Variants in ATM observed in about 807,000 individuals in gnomAD.
ATM encodes the protein serine-protein kinase ATM.
A neutral mutation model predicts 387.0 loss-of-function variants in ATM; 308 were observed. That is an observed-to-expected ratio of 0.80 (90% CI 0.73 to 0.87). The LOEUF (loss-of-function observed/expected upper bound fraction) is 0.87. Among genes scored for constraint, ATM ranks in the 40% least tolerant of loss-of-function variants. The pLI, the probability that ATM is intolerant of heterozygous loss-of-function variation, is 0.00. For synonymous variants in ATM, 1,156 were observed against 1,187.3 expected, an observed-to-expected ratio of 0.97 and a Z score of 0.54; for missense variants, 3,312 against 3,560.9, an observed-to-expected ratio of 0.93 and a Z score of 1.78.
At chr11:108,298,982 A>G (rs1478199756) in intron 33 of ATM, among the ~76,000 whole-genome samples, 1 of 152,228 alleles carries the variant, frequency 6.6e-6, no homozygotes, top group Non-Finnish European at 1.5e-5. Flanking sequence ...TTAATCAAAG[A>G]GGTGAAAAAC....
At chr11:108,256,024 C>T (rs2080455917) in intron 13 of ATM, among the ~76,000 whole-genome samples, 191 bp from the exon 14 acceptor site, 1 of 152,102 alleles carries the variant, frequency 6.6e-6, no homozygotes, top group African/African-American at 2.4e-5. Context: ...GGCTATTTTT[C>T]TTGAGAATCC....
At chr11:108,328,890 T>A in intron 48 of ATM, 131 bp from the exon 49 acceptor site, 1 of 1,024,846 alleles carries the variant, frequency 9.8e-7, no homozygotes, top group South Asian at 1.6e-5. Context: ...AAGTTTGCAA[T>A]AGTTCATATA....
chr11:108,277,502 C>T (rs1431395203), intron 22 of ATM, among the ~76,000 whole-genome samples: 1 of 152,162 alleles, frequency 6.6e-6, no homozygotes, highest in Admixed American at 6.5e-5. Context: ...GGTGTAGGCA[C>T]CCAAGGGAAT....
At chr11:108,344,509 A>T (rs921202289) in intron 57 of ATM, among the ~76,000 whole-genome samples, 10 of 152,190 alleles carry the variant, frequency 6.6e-5, no homozygotes, top group Admixed American at 2.0e-4. Context: ...TATAGGCCTC[A>T]TAAGACCCTA....
chr11:108,337,575 T>G (rs1036262251), intron 56 of ATM, among the ~76,000 whole-genome samples: 1 of 152,188 alleles, frequency 6.6e-6, no homozygotes, highest in Non-Finnish European at 1.5e-5. Flanking sequence ...AGATACCAGT[T>G]ATGTTGATGC....
rs1057520450 is a variant in ATM at position 108,325,511 on chromosome 11, C to T, written c.6774C>T (p.Leu2258=). 3.7e-6 allele frequency: 6 copies of T among 1,612,196 alleles called. No homozygotes were observed. In the African/African-American group the frequency reaches 8.0e-5, roughly 22 times the overall value. The part of the protein sequence containing the change: ...KDILTKHLVE[L]SILARTFKNT... The stretch of plus-strand genomic sequence containing the variant: ...TTCTCACCAAACACCTTGTAGAACT[C>T]TCTATACTGGCCAGAACTTTCAAGA... The change falls in exon 46 of 63, where the codon CTC becomes CTT. Residue 2258 remains leucine, a synonymous_variant. Transcript: ENST00000675843.
chr11:108,233,569 CAAAAAAA>C (rs531411723), intron 4 of ATM, among the ~76,000 whole-genome samples: 1 of 50,922 alleles, frequency 2.0e-5, no homozygotes, highest in African/African-American at 7.1e-5. Flanking sequence ...ATCCTGTGTC[CAAAAAAA>C]AAAAAAAAAA....
chr11:108,252,106 G>T, intron 11 of ATM, 75 bp downstream of exon 11: 1 of 1,293,980 alleles, frequency 7.7e-7, no homozygotes. Flanking sequence ...TTTGATGCCA[G>T]ATGGCTTTAT....
intron 43 of ATM, 68 bp downstream of exon 43, chr11:108,317,589 C>G (rs2136174247): frequency 7.5e-7 from 1 of 1,329,360 alleles, no homozygotes; most frequent in South Asian, 1.2e-5. Flanking sequence ...CTGTTTTTCT[C>G]TTCTATGAAT....
rs1555100432 is a variant in ATM, at chr11:108,293,341, T to C, written c.4640T>C (p.Ile1547Thr). The change falls in exon 31 of 63, where the codon ATA becomes ACA. Residue 1547 changes from isoleucine to threonine, a missense_variant. This residue lies in a region of ATM where 1,791 missense variants were observed against 1,804.5 expected (regional missense o/e 0.99). Transcript: ENST00000675843. ...QVLDLLKYLV[I>T]DNKDNENLYI... is the part of the protein sequence containing the mutation. ...TTGGACTTGTTGAAATACTTAGTGA[T>C]AGATAACAAGGATAATGAAAACCTC... 7 of 1,571,944 alleles carry C rather than the reference T, an allele frequency of 4.5e-6. No individual in the cohort carries two copies. The highest frequency in any genetic ancestry group is 6.1e-6 in the Non-Finnish European group (7 of 1,146,134).
intron 34 of ATM, 152 bp from the exon 35 acceptor site, chr11:108,301,496 G>GA: frequency 1.1e-6 from 1 of 896,692 alleles, no homozygotes; most frequent in Non-Finnish European, 1.7e-6. Flanking sequence ...AAAGTCCTTT[G>GA]ATACTTTTAT....
rs886039630 is a variant in ATM, at chr11:108,343,240, CG to C, written c.8288del (p.Arg2763GlnfsTer43). 1 of 1,613,880 alleles carries C rather than the reference CG, an allele frequency of 6.2e-7. No homozygotes were observed. The highest frequency in any genetic ancestry group is 2.2e-5 in the East Asian group (1 of 44,864). Reference sequence around the variant, plus strand: ...ACTCCAGGTGGTTCCCCTCTCTCAGCGAAGTGGTGTTCTTGAATGGTGCACA... The same window carrying C: ...ACTCCAGGTGGTTCCCCTCTCTCAGCAAGTGGTGTTCTTGAATGGTGCACA... ...CTYKVVPLSQ[R>X]SGVLEWCTGT... On this transcript the variant is annotated frameshift_variant, in exon 57 of 63. Transcript: ENST00000675843. LOFTEE classifies it high-confidence loss of function.
At chr11:108,278,233 C>G (rs1356875209) in intron 22 of ATM, among the ~76,000 whole-genome samples, 3 of 152,172 alleles carry the variant, frequency 2.0e-5, no homozygotes, top group African/African-American at 7.2e-5. Context: ...TCTAACTCCT[C>G]AGGTTTGGAA....
At chr11:108,335,387 A>C in intron 55 of ATM, 2 of 928,342 alleles carry the variant, frequency 2.2e-6, no homozygotes, top group South Asian at 3.3e-5. Flanking sequence ...TATGAAAAAA[A>C]ATACTTTGGT....
chr11:108,342,563 A>G (rs1409000671), intron 56 of ATM, among the ~76,000 whole-genome samples: 2 of 152,156 alleles, frequency 1.3e-5, no homozygotes, highest in African/African-American at 4.8e-5. Context: ...GGGTCAGTGA[A>G]GCACACAAGG....
intron 22 of ATM, among the ~76,000 whole-genome samples, chr11:108,278,320 TCA>T (rs879516886): frequency 6.6e-6 from 1 of 152,206 alleles, no homozygotes; most frequent in Non-Finnish European, 1.5e-5. Context: ...TTATTAAATT[TCA>T]CAGATAAAAG....
intron 55 of ATM, chr11:108,335,437 C>G (rs922379237): frequency 3.6e-6 from 2 of 556,584 alleles, no homozygotes; most frequent in African/African-American, 3.8e-5. Context: ...AGTTGACGTC[C>G]TTTGCATCAG....
rs878853485 is a variant in ATM at position 108,251,863 on chromosome 11, C to T, written c.1634C>T (p.Ala545Val). 14 of 1,613,794 alleles carry T rather than the reference C, an allele frequency of 8.7e-6. No homozygotes were observed. The highest frequency in any genetic ancestry group is 1.2e-5 in the Non-Finnish European group (14 of 1,179,798). ...CCTGCAGTATGCTGTTTGACTTTGG[C>T]ACTGACCACCAGTATAGTTCCAGGA... ...SCPAVCCLTL[A>V]LTTSIVPGTV... is the part of the protein sequence containing the mutation. Residue 545 changes from alanine to valine, a missense_variant, in exon 11 of 63, where the codon GCA becomes GTA. Transcript: ENST00000675843.
chr11:108,310,401 C>T (rs1031687154), intron 39 of ATM, 86 bp downstream of exon 39: 27 of 1,246,640 alleles, frequency 2.2e-5, no homozygotes, highest in Non-Finnish European at 2.9e-5. Flanking sequence ...ATTTTGCCTC[C>T]TGTTCCCCAT....
Sources: allele counts gnomAD v4.1 joint callset (sites outside exome capture counted in the v4.1 genomes callset), GRCh38; gene constraint gnomAD v4.1.1; regional missense constraint gnomAD v4.1.1; transcripts MANE v1.5; gene names NCBI Gene and HGNC (gene_info 2026-07-23, HGNC 2026-07-21).